The following PTPRD variants were observed in gnomAD, a reference collection of about 807,000 sequenced individuals.
The protein encoded by PTPRD is receptor-type tyrosine-protein phosphatase delta.
PTPRD carries 34 observed loss-of-function variants against 214.5 expected under a neutral mutation model. The observed-to-expected ratio is 0.16, with a 90% CI of 0.12 to 0.21. The LOEUF is 0.21. Among genes scored for constraint, PTPRD ranks in the 10% least tolerant of loss-of-function variants. The pLI is 1.00. For synonymous variants in PTPRD, 1,128 were observed against 845.7 expected, an observed-to-expected ratio of 1.33 and a Z score of -5.79; for missense variants, 2,545 against 2,398.7, an observed-to-expected ratio of 1.06 and a Z score of -1.27.
At chr9:10,297,491 C>A (rs549674972) in intron 3 of PTPRD, among the ~76,000 whole-genome samples, 1 of 151,826 alleles carries the variant, frequency 6.6e-6, no homozygotes, top group East Asian at 1.9e-4. Flanking sequence ...GCAAGTATTT[C>A]TTCCAGTAGG....
intron 36 of PTPRD, among the ~76,000 whole-genome samples, chr9:8,399,854 T>C (rs747553394): frequency 1.3e-5 from 2 of 152,168 alleles, no homozygotes; most frequent in East Asian, 1.9e-4. Context: ...TATTAGTATT[T>C]TGAATTTGTC....
chr9:10,494,532 T>G (rs1031422679), intron 2 of PTPRD, among the ~76,000 whole-genome samples: 6 of 151,522 alleles, frequency 4.0e-5, no homozygotes, highest in Non-Finnish European at 7.4e-5. Flanking sequence ...ATGACTTGAT[T>G]AAGATGGTTT....
intron 7 of PTPRD, among the ~76,000 whole-genome samples, chr9:9,603,313 A>G (rs931977113): frequency 1.2e-4 from 19 of 152,202 alleles, no homozygotes; most frequent in African/African-American, 3.9e-4. Flanking sequence ...ATGGTCAAAA[A>G]AAGTATAACA....
chr9:9,891,544 T>G (rs1376462660), intron 5 of PTPRD, among the ~76,000 whole-genome samples: 1 of 152,238 alleles, frequency 6.6e-6, no homozygotes, highest in East Asian at 1.9e-4. Flanking sequence ...CATATGAGCT[T>G]ATTTTTTTGA....
chr9:10,473,837 T>C (rs1161125393), intron 2 of PTPRD, among the ~76,000 whole-genome samples: 1 of 152,068 alleles, frequency 6.6e-6, no homozygotes, highest in African/African-American at 2.4e-5. Context: ...ATTGTTTTTA[T>C]AAAGTAAGTG....
At chr9:9,292,819 T>C (rs1244179671) in intron 9 of PTPRD, among the ~76,000 whole-genome samples, 1 of 151,090 alleles carries the variant, frequency 6.6e-6, no homozygotes, top group Non-Finnish European at 1.5e-5. Flanking sequence ...ATATAGAATG[T>C]TCCTCTATGG....
At chr9:8,994,393 C>T (rs977109606) in intron 11 of PTPRD, among the ~76,000 whole-genome samples, 1 of 152,088 alleles carries the variant, frequency 6.6e-6, no homozygotes, top group Non-Finnish European at 1.5e-5. Flanking sequence ...GCTTAGTAAG[C>T]AGTACATGTC....
intron 44 of PTPRD, among the ~76,000 whole-genome samples, chr9:8,329,279 C>T (rs548272602): frequency 4.6e-5 from 7 of 152,198 alleles, no homozygotes; most frequent in African/African-American, 1.7e-4. Flanking sequence ...ACACCCAGGC[C>T]TCTCTGCTGT....
chr9:8,616,955 T>C lies in PTPRD; in HGVS notation c.352+16362A>G, dbSNP rs141026876. 3.9e-5 allele frequency among the ~76,000 whole-genome samples: 6 copies of C among 152,302 alleles called. No individual in the cohort carries two copies. The East Asian group carries it at 1.2e-3, about 29-fold the overall frequency. ...TTTCCTCATATAGAAGTTCAGTTGG[T>C]AGTGGTTTAATCGGGGATTATCAGT... On this transcript the variant is annotated intron_variant, in intron 14 of 45. Transcript: ENST00000381196.
At chr9:8,928,737 G>T (rs931604035) in intron 11 of PTPRD, among the ~76,000 whole-genome samples, 5 of 152,084 alleles carry the variant, frequency 3.3e-5, no homozygotes, top group Middle Eastern at 3.2e-3. Context: ...GAAGGTCAAT[G>T]GTAGTTTCAT....
chr9:9,057,565 A>G (rs1569515660), intron 10 of PTPRD, among the ~76,000 whole-genome samples: 1 of 152,174 alleles, frequency 6.6e-6, no homozygotes, highest in African/African-American at 2.4e-5. Context: ...TTGTTAAATG[A>G]TGAATGAAAA....
intron 8 of PTPRD, among the ~76,000 whole-genome samples, chr9:9,562,088 G>A (rs1421060736): frequency 6.6e-6 from 1 of 152,082 alleles, no homozygotes; most frequent in East Asian, 1.9e-4. Flanking sequence ...GTCCAAAATT[G>A]ATCTGATTTT....
chr9:8,323,012 A>ATTAAG (rs1238929526), intron 44 of PTPRD, among the ~76,000 whole-genome samples: 1 of 152,184 alleles, frequency 6.6e-6, no homozygotes, highest in Non-Finnish European at 1.5e-5. Flanking sequence ...GCTTGAAAAA[A>ATTAAG]TTAAGTTTTA....
intron 12 of PTPRD, among the ~76,000 whole-genome samples, chr9:8,688,348 C>T (rs1182901722): frequency 6.6e-6 from 1 of 152,012 alleles, no homozygotes; most frequent in African/African-American, 2.4e-5. Context: ...GGGCGGATCA[C>T]AAGTTCAGGA....
At chr9:9,333,315 C>T (rs2043035745) in intron 9 of PTPRD, among the ~76,000 whole-genome samples, 1 of 151,250 alleles carries the variant, frequency 6.6e-6, no homozygotes, top group Non-Finnish European at 1.5e-5. Context: ...GGGCATATGT[C>T]TGTAAAGTCC....
At chr9:10,226,499 T>C (rs544099873) in intron 3 of PTPRD, among the ~76,000 whole-genome samples, 1 of 152,066 alleles carries the variant, frequency 6.6e-6, no homozygotes, top group East Asian at 2.0e-4. Flanking sequence ...CTGCATGAGG[T>C]GAAGCAGTGC....
rs559171393 is a variant in PTPRD, at chr9:10,248,521, A to T, written c.-545+92442T>A. The stretch of plus-strand genomic sequence containing the variant: ...AAAGGGTACATATAGCAAAAAAAAA[A>T]AAAAATAAAAAAAATAAAGCGAGAA... On this transcript the variant is annotated intron_variant, in intron 3 of 45. Coordinates refer to ENST00000381196, the MANE Select transcript of PTPRD (RefSeq NM_002839.4). Among the ~76,000 whole-genome samples the T allele has an allele frequency of 3.5e-3, 499 of 140,880 alleles. 15 individuals carry two copies. The highest frequency in any genetic ancestry group is 6.0e-3 in the Non-Finnish European group (388 of 64,392). The allele number at this position is 140,880 out of a possible 152,430, so 92.4% of individuals were successfully genotyped here.
chr9:8,555,258 T>C (rs2083383509), intron 14 of PTPRD, among the ~76,000 whole-genome samples: 1 of 152,148 alleles, frequency 6.6e-6, no homozygotes, highest in South Asian at 2.1e-4. Flanking sequence ...CTTTTAAAAA[T>C]TAGCCAAGCA....
chr9:9,472,844 T>A (rs1202877127), intron 8 of PTPRD, among the ~76,000 whole-genome samples: 1 of 152,200 alleles, frequency 6.6e-6, no homozygotes, highest in Non-Finnish European at 1.5e-5. Context: ...TCTCTTATTT[T>A]TAGTTGACAT....
Sources: allele counts gnomAD v4.1 joint callset (sites outside exome capture counted in the v4.1 genomes callset), GRCh38; gene constraint gnomAD v4.1.1; transcripts MANE v1.5; gene names NCBI Gene and HGNC (gene_info 2026-07-23, HGNC 2026-07-21).